The following IYD variants were observed in gnomAD, a reference collection of about 807,000 sequenced individuals.
The protein encoded by IYD is iodotyrosine deiodinase.
Under a neutral mutation model 28.4 loss-of-function variants are expected in IYD, and 25 were observed. The observed-to-expected ratio is 0.88, with a 90% CI of 0.64 to 1.23. The LOEUF is 1.23. IYD is among the 50% of genes most tolerant of loss of function. IYD has a pLI of 0.00. For missense variants in IYD, 352 were observed against 357.9 expected, an observed-to-expected ratio of 0.98 and a Z score of 0.13; for synonymous variants, 140 against 130.8, an observed-to-expected ratio of 1.07 and a Z score of -0.48.
Position 150,392,539 on chromosome 6 carries a change from T to C in IYD, c.530+35T>C, listed in dbSNP as rs1312769385. On this transcript the variant is annotated intron_variant, in intron 3 of 4. Coordinates refer to ENST00000344419, the MANE Select transcript of IYD (RefSeq NM_203395.3). Reference sequence around the variant, plus strand: ...GTGGTGGAACTGGGGATGTTTGCCTTGGCCTCTTAAAATAAAATCACCACC... The same window carrying C: ...GTGGTGGAACTGGGGATGTTTGCCTCGGCCTCTTAAAATAAAATCACCACC... 1.9e-6 allele frequency: 3 copies of C among 1,610,272 alleles called. No homozygotes were observed. In the African/African-American group the frequency reaches 4.0e-5, roughly 22 times the overall value.
In IYD at chr6:150,405,419, A is replaced by T. The variant is rs554422425; in HGVS notation, c.*7182A>T. On this transcript the variant is annotated 3_prime_UTR_variant, in exon 5 of 5. Coordinates refer to ENST00000344419, the MANE Select transcript of IYD (RefSeq NM_203395.3). Reference sequence around the variant, plus strand: ...TTTGGGATGGAGCCTCAAATCCAGAAATCTTCTGTATTAGTCCATTCTCAC... The same window carrying T: ...TTTGGGATGGAGCCTCAAATCCAGATATCTTCTGTATTAGTCCATTCTCAC... 6.6e-6 allele frequency: 1 copy of T among 152,346 alleles called. No individual in the cohort carries two copies. The highest frequency in any genetic ancestry group is 1.9e-4 in the East Asian group (1 of 5,180). 9.4% of individuals were successfully genotyped at this position (152,346 alleles called of 1,614,324 possible). A position where few individuals can be genotyped will look rare whatever the true frequency, so the allele number is the denominator to read the frequency against.
At chr6:150,395,913 G>A (rs1254297201) in intron 4 of IYD, 8 of 516,682 alleles carry the variant, frequency 1.5e-5, no homozygotes, top group African/African-American at 1.1e-4. Context: ...TGGCCACTGA[G>A]TCCCCTATCA....
intron 1 of IYD, among the ~76,000 whole-genome samples, chr6:150,383,423 G>A (rs771322331): frequency 6.6e-6 from 1 of 152,142 alleles, no homozygotes; most frequent in Non-Finnish European, 1.5e-5. Context: ...TACCTCTGTG[G>A]TACTAACCTT....
At chr6:150,379,906 T>C (rs938718671) in intron 1 of IYD, among the ~76,000 whole-genome samples, 4 of 152,198 alleles carry the variant, frequency 2.6e-5, no homozygotes, top group African/African-American at 7.2e-5. Flanking sequence ...TTGGACCCCG[T>C]TGGGTTATTG....
intron 2 of IYD, among the ~76,000 whole-genome samples, chr6:150,391,646 G>A (rs560510632): frequency 9.1e-4 from 139 of 152,258 alleles, no homozygotes; most frequent in Non-Finnish European, 1.7e-3. Context: ...GCATGACAGG[G>A]TTCACTGCCA....
rs572089375 is a variant in IYD at position 150,390,393 on chromosome 6, G to C, written c.370+850G>C. Among the ~76,000 whole-genome samples the C allele has an allele frequency of 3.3e-5, 5 of 152,238 alleles. No individual in the cohort carries two copies. The East Asian group carries it at 5.8e-4, about 18-fold the overall frequency. On this transcript the variant is annotated intron_variant, in intron 2 of 4. Coordinates refer to ENST00000344419, the MANE Select transcript of IYD (RefSeq NM_203395.3). ...ACACATATGCTGTTAAGGTAAATTT[G>C]ACACAACTAAAAACATTAGGGAAAA...
chr6:150,394,074 T>C, intron 3 of IYD, 25 bp from the exon 4 acceptor site: 2 of 1,612,426 alleles, frequency 1.2e-6, no homozygotes, highest in Middle Eastern at 3.5e-4. Context: ...GCAAATATTA[T>C]CCTGAATCTC....
chr6:150,369,938 G>T (rs189449537), intron 1 of IYD: 1 of 701,812 alleles, frequency 1.4e-6, no homozygotes, highest in East Asian at 2.7e-5. Flanking sequence ...GAGGGAGAGG[G>T]TAAGAATGGA....
intron 1 of IYD, chr6:150,370,789 G>T (rs1190815448): frequency 2.5e-6 from 1 of 404,228 alleles, no homozygotes; most frequent in African/African-American, 2.2e-5. Context: ...TGGATATTGG[G>T]AAAAGGAGGA....
chr6:150,394,224 T>C lies in IYD; in HGVS notation c.656T>C (p.Ile219Thr), dbSNP rs1778229163. ...VHYYNEISVS[I>T]ACGILLAALQ... Reference sequence around the variant, plus strand: ...TACTACAATGAGATCAGTGTTTCCATCGCTTGTGGCATCCTGCTAGCTGCC... The same window carrying C: ...TACTACAATGAGATCAGTGTTTCCACCGCTTGTGGCATCCTGCTAGCTGCC... Residue 219 changes from isoleucine (I) to threonine (T), a missense_variant, in exon 4 of 5, where the codon ATC becomes ACC. Physicochemically the swap from Ile to Thr is moderately conservative, Grantham distance 89. Transcript: ENST00000344419. 2 of 1,614,218 alleles carry C rather than the reference T, an allele frequency of 1.2e-6. No individual in the cohort carries two copies. The highest frequency in any genetic ancestry group is 1.7e-6 in the Non-Finnish European group (2 of 1,180,028).
chr6:150,372,849 T>G (rs1306338302), intron 1 of IYD, among the ~76,000 whole-genome samples: 1 of 151,966 alleles, frequency 6.6e-6, no homozygotes, highest in African/African-American at 2.4e-5. Context: ...CCAGCCAAGG[T>G]TGGTGTCCTG....
rs1437363918 is a variant in IYD, at chr6:150,404,459, G to A, written c.*6222G>A. 2 of 152,154 alleles carry A rather than the reference G, an allele frequency of 1.3e-5. No homozygotes were observed. Among genetic ancestry groups the A allele is most frequent in the Non-Finnish European group, 2.9e-5 (2 of 68,042 alleles). 9.4% of individuals were successfully genotyped at this position (152,154 alleles called of 1,614,324 possible). On this transcript the variant is annotated 3_prime_UTR_variant, in exon 5 of 5. Coordinates refer to ENST00000344419, the MANE Select transcript of IYD (RefSeq NM_203395.3). Reference sequence around the variant, plus strand: ...AGACTAGATTTACTATAAGTTTAATGTATTAGATTTACAAGAGATGCTTAA... The same window carrying A: ...AGACTAGATTTACTATAAGTTTAATATATTAGATTTACAAGAGATGCTTAA...
At chr6:150,385,514 C>A (rs1777828774) in intron 1 of IYD, among the ~76,000 whole-genome samples, 1 of 151,462 alleles carries the variant, frequency 6.6e-6, no homozygotes. Flanking sequence ...GATTGTTTTT[C>A]TAATGTTAAA....
intron 1 of IYD, among the ~76,000 whole-genome samples, chr6:150,379,602 A>G (rs894555804): frequency 6.6e-6 from 1 of 152,234 alleles, no homozygotes; most frequent in African/African-American, 2.4e-5. Context: ...ATAAGGAATA[A>G]GGTTATTGTT....
intron 1 of IYD, among the ~76,000 whole-genome samples, chr6:150,374,809 A>T (rs1028724872): frequency 1.4e-4 from 21 of 152,170 alleles, no homozygotes; most frequent in African/African-American, 4.8e-4. Context: ...AGAGATGAGA[A>T]TGCTCCTTTC....
rs889082878 is a variant in IYD at position 150,402,739 on chromosome 6, A to G, written c.*4502A>G. 1 of 152,186 alleles carries G rather than the reference A, an allele frequency of 6.6e-6. No homozygotes were observed. The highest frequency in any genetic ancestry group is 1.5e-5 in the Non-Finnish European group (1 of 68,022). 9.4% of individuals were successfully genotyped at this position (152,186 alleles called of 1,614,324 possible). ...TAGACATCTCTGCCTCTGTCCACAA[A>G]ATGGAAACTTCCATCAAGGAGTACT... On this transcript the variant is annotated 3_prime_UTR_variant, in exon 5 of 5. Transcript: ENST00000344419.
chr6:150,394,225 C>T lies in IYD; in HGVS notation c.657C>T (p.Ile219=), dbSNP rs1778229254. 4.3e-6 allele frequency: 7 copies of T among 1,614,094 alleles called. No individual in the cohort carries two copies. The South Asian group carries it at 4.4e-5, about 10-fold the overall frequency. ...ACTACAATGAGATCAGTGTTTCCAT[C>T]GCTTGTGGCATCCTGCTAGCTGCCC... is the stretch of plus-strand genomic sequence containing the variant. The part of the protein sequence containing the change: ...VHYYNEISVS[I]ACGILLAALQ... The change falls in exon 4 of 5, where the codon ATC becomes ATT. Residue 219 remains isoleucine (I), a synonymous_variant. Coordinates refer to ENST00000344419, the MANE Select transcript of IYD (RefSeq NM_203395.3).
chr6:150,370,964 C>G (rs1777218850), intron 1 of IYD, among the ~76,000 whole-genome samples: 1 of 152,232 alleles, frequency 6.6e-6, no homozygotes, highest in Middle Eastern at 3.4e-3. Flanking sequence ...GGGGCCCAGG[C>G]CACAGATACT....
intron 3 of IYD, 34 bp from the exon 4 acceptor site, chr6:150,394,065 C>G (rs747953547): frequency 1.2e-6 from 2 of 1,608,180 alleles, no homozygotes; most frequent in Non-Finnish European, 1.7e-6. Flanking sequence ...AAAATATGGG[C>G]AAATATTATC....
Sources: gnomAD v4.1 joint callset for allele counts (sites outside exome capture counted in the v4.1 genomes callset) on GRCh38, gnomAD v4.1.1 for gene constraint, MANE v1.5 for transcripts, NCBI Gene and HGNC (gene_info 2026-07-23, HGNC 2026-07-21) for gene names.